Variants in EHMT1 observed in about 807,000 individuals in gnomAD.
EHMT1 encodes histone-lysine N-methyltransferase EHMT1.
A neutral mutation model predicts 147.2 loss-of-function variants in EHMT1; 15 were observed. The ratio of observed to expected loss-of-function variants is 0.10; its 90% CI spans 0.07 to 0.16. EHMT1 has a LOEUF of 0.16. Among genes scored for constraint, EHMT1 ranks in the 10% least tolerant of loss-of-function variants. EHMT1 has a pLI of 1.00. For synonymous variants in EHMT1, 795 were observed against 709.6 expected (o/e 1.12, Z -1.91); for missense variants, 1,587 against 1,772.4 (o/e 0.90, Z 1.88).
chr9:137,801,863 C>T lies in EHMT1; in HGVS notation c.2712+879C>T, dbSNP rs559985781. On this transcript the variant is annotated intron_variant, in intron 18 of 26. Coordinates refer to ENST00000460843, the MANE Select transcript of EHMT1 (RefSeq NM_024757.5). ...GGCCAGGCTGGTCTTGAACTCCTGA[C>T]CTCAGGTGATCTGCCCACCTCATCC... Among the ~76,000 whole-genome samples the T allele has an allele frequency of 1.5e-4, 23 of 152,278 alleles. 1 individual carries two copies. In the South Asian group the frequency reaches 4.6e-3, roughly 30 times the overall value.
intron 2 of EHMT1, among the ~76,000 whole-genome samples, chr9:137,712,129 G>T (rs545395434): frequency 6.6e-6 from 1 of 152,222 alleles, no homozygotes; most frequent in Admixed American, 6.5e-5. Context: ...CTGTACTTTG[G>T]CCCCTTCCTG....
intron 13 of EHMT1, 128 bp from the exon 14 acceptor site, chr9:137,779,507 A>G: frequency 1.0e-6 from 1 of 956,460 alleles, no homozygotes; most frequent in Non-Finnish European, 1.6e-6. Context: ...CTTCAGCTTC[A>G]TGTGTGGGAC....
At chr9:137,742,634 C>A (rs947163957) in intron 4 of EHMT1, among the ~76,000 whole-genome samples, 2 of 152,214 alleles carry the variant, frequency 1.3e-5, no homozygotes, top group African/African-American at 2.4e-5. Flanking sequence ...AGCCCCCAGG[C>A]CCCTTCCTCG....
intron 1 of EHMT1, among the ~76,000 whole-genome samples, chr9:137,690,675 T>G (rs1489275102): frequency 6.6e-6 from 1 of 152,178 alleles, no homozygotes; most frequent in African/African-American, 2.4e-5. Context: ...GTTCAAGTGA[T>G]TCTCCTGCCT....
At chr9:137,778,607 C>T (rs1011830146) in intron 13 of EHMT1, among the ~76,000 whole-genome samples, 1 of 152,194 alleles carries the variant, frequency 6.6e-6, no homozygotes, top group African/African-American at 2.4e-5. Context: ...CTTGAAGCGA[C>T]GGTACCATCT....
At chr9:137,827,095 C>T (rs561349821) in intron 25 of EHMT1, among the ~76,000 whole-genome samples, 41 of 152,312 alleles carry the variant, frequency 2.7e-4, no homozygotes, top group African/African-American at 9.9e-4. Flanking sequence ...GCTTCCTTCT[C>T]CTGTCTGGAG....
chr9:137,810,470 C>G (rs190250039), intron 18 of EHMT1, among the ~76,000 whole-genome samples: 63 of 152,304 alleles, frequency 4.1e-4, no homozygotes, highest in Admixed American at 1.4e-3. Flanking sequence ...CTTCATTGTT[C>G]TGATTTATAT....
intron 4 of EHMT1, among the ~76,000 whole-genome samples, chr9:137,738,450 G>A (rs1184007657): frequency 6.6e-6 from 1 of 152,182 alleles, no homozygotes; most frequent in Non-Finnish European, 1.5e-5. Flanking sequence ...CTTGTGCACT[G>A]CTGGTAGGAA....
intron 10 of EHMT1, among the ~76,000 whole-genome samples, chr9:137,773,517 C>T (rs1293916995): frequency 6.6e-6 from 1 of 152,258 alleles, no homozygotes; most frequent in Non-Finnish European, 1.5e-5. Flanking sequence ...GCGTGCCCTG[C>T]AGCCACTCTT....
rs372688489 is a variant in EHMT1, at chr9:137,775,122, C to A, written c.1661C>A (p.Thr554Lys). ...GTCTGATTGCAGTTGGGCCGGTGCACAAACAGCGTGGTCAAGTATGAGCTG... is the reference window on the plus strand; with the variant it reads ...GTCTGATTGCAGTTGGGCCGGTGCAAAAACAGCGTGGTCAAGTATGAGCTG... The part of the protein sequence containing the change: ...ESVDHELGRC[T>K]NSVVKYELMR... The change falls in exon 11 of 27, where the codon ACA (threonine) becomes AAA (lysine). Residue 554 changes from threonine to lysine, a missense_variant. Physicochemically the swap from Thr to Lys is moderately conservative, Grantham distance 78 (BLOSUM62 -1). Coordinates refer to ENST00000460843, the MANE Select transcript of EHMT1 (RefSeq NM_024757.5). This position sits in a 1 kb window ranked among gnomAD's most constrained non-coding sequence, Gnocchi z 6.1. 6.8e-6 allele frequency: 11 copies of A among 1,614,002 alleles called. No individual in the cohort carries two copies. Among genetic ancestry groups the A allele is most frequent in the Non-Finnish European group, 7.6e-6 (9 of 1,180,040 alleles).
At position 137,723,922 on chromosome 9, in the gene EHMT1, C is replaced by T. The variant is rs547978039; in HGVS notation, c.643-4427C>T. Among the ~76,000 whole-genome samples the T allele has an allele frequency of 6.0e-4, 91 of 152,232 alleles. 1 individual carries two copies. The highest frequency in any genetic ancestry group is 9.1e-4 in the Non-Finnish European group (62 of 68,042). ...TAATCCCCATCATAAAGCCCCAGCT[C>T]AGAGCGAGGCCTGCTCACTGGCAGC... On this transcript the variant is annotated intron_variant, in intron 3 of 26. Coordinates refer to ENST00000460843, the MANE Select transcript of EHMT1 (RefSeq NM_024757.5).
chr9:137,833,263 G>T (rs1488912046), intron 25 of EHMT1, among the ~76,000 whole-genome samples: 1 of 152,236 alleles, frequency 6.6e-6, no homozygotes, highest in African/African-American at 2.4e-5. Context: ...AGCCCCAGGT[G>T]CCTCCTTCCC....
intron 1 of EHMT1, among the ~76,000 whole-genome samples, chr9:137,685,533 G>A (rs1292915815): frequency 3.9e-5 from 6 of 152,098 alleles, no homozygotes; most frequent in Non-Finnish European, 5.9e-5. Flanking sequence ...ATGCTGCTTC[G>A]AACATGTATA....
rs147262402 is a variant in EHMT1, at chr9:137,692,958, A to G, written c.22-18009A>G. ...CTGAGAGTCCGGGGTGGATGTGGCC[A>G]CAAGGGTTGTCCTTGGAATCGGCTG... On this transcript the variant is annotated intron_variant, in intron 1 of 26. Transcript: ENST00000460843. Among the ~76,000 whole-genome samples, 691 of 152,284 alleles carry G rather than the reference A, an allele frequency of 4.5e-3. 6 individuals are homozygous for G. The highest frequency in any genetic ancestry group is 7.8e-3 in the Non-Finnish European group (528 of 68,028).
At chr9:137,713,017 C>T (rs1944882120) in intron 2 of EHMT1, among the ~76,000 whole-genome samples, 1 of 152,156 alleles carries the variant, frequency 6.6e-6, no homozygotes, top group African/African-American at 2.4e-5. Flanking sequence ...GTCCCAGCAA[C>T]ATTTATGAAA....
chr9:137,770,556 C>G (rs1464576762), intron 10 of EHMT1, among the ~76,000 whole-genome samples: 1 of 152,304 alleles, frequency 6.6e-6, no homozygotes, highest in South Asian at 2.1e-4. Context: ...AGGGGCTGCC[C>G]TGCTCGTTGT....
intron 1 of EHMT1, chr9:137,646,493 A>G: frequency 1.0e-6 from 1 of 967,784 alleles, no homozygotes; most frequent in South Asian, 4.8e-5. Flanking sequence ...GGGAGAGAGG[A>G]GCTAGTCAGC....
intron 25 of EHMT1, among the ~76,000 whole-genome samples, chr9:137,822,441 G>T (rs1289941387): frequency 6.6e-6 from 1 of 152,148 alleles, no homozygotes; most frequent in Non-Finnish European, 1.5e-5. Flanking sequence ...AAAAGAAACC[G>T]CTAGTTTTCC....
At chr9:137,688,050 G>C (rs902620442) in intron 1 of EHMT1, among the ~76,000 whole-genome samples, 1 of 152,072 alleles carries the variant, frequency 6.6e-6, no homozygotes, top group South Asian at 2.1e-4. Context: ...TTTAGATGGA[G>C]TCTTACTCTG....
Sources: gnomAD v4.1 joint callset for allele counts (sites outside exome capture counted in the v4.1 genomes callset) on GRCh38, gnomAD v4.1.1 for gene constraint, Gnocchi (gnomAD v3.1) non-coding constraint, MANE v1.5 for transcripts, NCBI Gene and HGNC (gene_info 2026-07-23, HGNC 2026-07-21) for gene names.